WDR7: variants seen among roughly 807,000 people sequenced by gnomAD.
WDR7 encodes WD repeat domain 7.
In WDR7, 46 loss-of-function variants were observed where a neutral mutation model predicts 169.4. That is an observed-to-expected ratio of 0.27 (90% CI 0.21 to 0.35). WDR7 has a LOEUF of 0.35. Among genes scored for constraint, WDR7 ranks in the 10% least tolerant of loss-of-function variants. The pLI is 1.00. For synonymous variants in WDR7, 612 were observed against 666.8 expected, an observed-to-expected ratio of 0.92 and a Z score of 1.27; for missense variants, 1,534 against 1,859.3, an observed-to-expected ratio of 0.83 and a Z score of 3.22.
intron 12 of WDR7, among the ~76,000 whole-genome samples, chr18:56,713,247 G>A (rs2026122117): frequency 6.6e-6 from 1 of 152,096 alleles, no homozygotes; most frequent in Non-Finnish European, 1.5e-5. Context: ...TCATTAATAA[G>A]GAAACCTTCC....
chr18:56,804,973 T>C (rs974693126), intron 19 of WDR7, among the ~76,000 whole-genome samples: 5 of 152,108 alleles, frequency 3.3e-5, no homozygotes, highest in Non-Finnish European at 7.4e-5. Context: ...CAGAGACCAA[T>C]TTCCCTTCTG....
At chr18:56,946,947 A>G (rs573284397) in intron 25 of WDR7, among the ~76,000 whole-genome samples, 2 of 152,352 alleles carry the variant, frequency 1.3e-5, no homozygotes, top group South Asian at 4.1e-4. Flanking sequence ...AGCTGTATTA[A>G]TGTTATAGTC....
chr18:56,710,261 C>A (rs960334597), intron 12 of WDR7, among the ~76,000 whole-genome samples: 1 of 152,000 alleles, frequency 6.6e-6, no homozygotes, highest in Non-Finnish European at 1.5e-5. Flanking sequence ...CCTCAGCCTC[C>A]CAAAGTGCTG....
chr18:56,794,304 A>ATTTCTTTTTTTTTTTTTTTTT (rs2044543681), intron 19 of WDR7, among the ~76,000 whole-genome samples: 1 of 49,466 alleles, frequency 2.0e-5, no homozygotes, highest in African/African-American at 6.6e-5. Context: ...GGTAAAGTCT[A>ATTTCTTTTTTTTTTTTTTTTT]TTTTTTTTTT....
intron 16 of WDR7, among the ~76,000 whole-genome samples, chr18:56,767,297 T>G (rs1422126112): frequency 1.3e-5 from 2 of 152,180 alleles, no homozygotes; most frequent in African/African-American, 2.4e-5. Context: ...TTGAGGGAGA[T>G]CCTCTGAAGA....
At chr18:56,862,858 A>G (rs1010998010) in intron 20 of WDR7, among the ~76,000 whole-genome samples, 13 of 151,990 alleles carry the variant, frequency 8.6e-5, no homozygotes, top group South Asian at 2.1e-4. Flanking sequence ...TTGATTTCCA[A>G]TAAAAACCTA....
chr18:56,839,796 C>T (rs141980400), intron 20 of WDR7, among the ~76,000 whole-genome samples: 5,427 of 152,214 alleles, frequency 0.036, 168 homozygotes, highest in East Asian at 0.11. Flanking sequence ...GGCGTGGTGG[C>T]TCACGCCTGT....
At chr18:56,858,108 T>C (rs954898069) in intron 20 of WDR7, among the ~76,000 whole-genome samples, 7 of 152,162 alleles carry the variant, frequency 4.6e-5, no homozygotes, top group Non-Finnish European at 7.3e-5. Flanking sequence ...TTGCTAGACT[T>C]CTCCATGTGA....
intron 9 of WDR7, among the ~76,000 whole-genome samples, chr18:56,693,116 A>G (rs570440416): frequency 6.6e-6 from 1 of 152,338 alleles, no homozygotes; most frequent in African/African-American, 2.4e-5. Flanking sequence ...TATGCTTAAT[A>G]TGTGTAGTTT....
intron 13 of WDR7, among the ~76,000 whole-genome samples, chr18:56,727,184 C>A (rs1234509896): frequency 6.6e-6 from 1 of 152,088 alleles, no homozygotes; most frequent in Non-Finnish European, 1.5e-5. Flanking sequence ...ATTTTTTTCC[C>A]AATTATTTTA....
At chr18:56,900,111 A>ATAT (rs1555707547) in intron 21 of WDR7, among the ~76,000 whole-genome samples, 1 of 137,756 alleles carries the variant, frequency 7.3e-6, no homozygotes, top group Non-Finnish European at 1.5e-5. Context: ...TATATATATA[A>ATAT]AATTGTTAAT....
chr18:56,662,365 T>C (rs1254950258), intron 1 of WDR7, among the ~76,000 whole-genome samples: 4 of 152,244 alleles, frequency 2.6e-5, no homozygotes, highest in East Asian at 3.8e-4. Context: ...GTTTATAGCT[T>C]TTAGAAATCA....
rs756709513 is a variant in WDR7 at position 56,935,800 on chromosome 18, G to A, written c.3726G>A (p.Gly1242=). 2 of 1,613,906 alleles carry A rather than the reference G, an allele frequency of 1.2e-6. No homozygotes were observed. The highest frequency in any genetic ancestry group is 1.7e-6 in the Non-Finnish European group (2 of 1,179,982). ...AEKQLANITM[G]LPLSPAADSA... ...GATCCCTGTTTAGCATCACAATGGG[G>A]TTGCCTCTGAGCCCAGCAGCTGACT... Residue 1242 remains glycine, a synonymous_variant, in exon 23 of 28, where the codon GGG becomes GGA. Coordinates refer to ENST00000254442, the MANE Select transcript of WDR7 (RefSeq NM_015285.3).
At chr18:56,664,989 T>C (rs2024986281) in intron 1 of WDR7, among the ~76,000 whole-genome samples, 1 of 152,148 alleles carries the variant, frequency 6.6e-6, no homozygotes, top group South Asian at 2.1e-4. Context: ...TATGTACAAC[T>C]TTAAAACAAA....
intron 21 of WDR7, among the ~76,000 whole-genome samples, chr18:56,883,158 C>A (rs1413971413): frequency 6.8e-6 from 1 of 146,242 alleles, no homozygotes; most frequent in Non-Finnish European, 1.5e-5. Flanking sequence ...TGCAGTGAGC[C>A]GAGGTGGCGC....
intron 22 of WDR7, among the ~76,000 whole-genome samples, chr18:56,929,747 CTG>C (rs747955976): frequency 1.3e-5 from 2 of 152,196 alleles, no homozygotes; most frequent in African/African-American, 2.4e-5. Flanking sequence ...TAAGAGAAAA[CTG>C]AGACTGCACT....
intron 20 of WDR7, among the ~76,000 whole-genome samples, chr18:56,867,529 T>A (rs1011618758): frequency 8.5e-5 from 13 of 152,112 alleles, no homozygotes; most frequent in African/African-American, 3.1e-4. Context: ...TTCAAATCAT[T>A]GGGAGGGAGA....
intron 26 of WDR7, among the ~76,000 whole-genome samples, chr18:57,011,704 C>G (rs1025887635): frequency 4.3e-4 from 66 of 152,198 alleles, no homozygotes; most frequent in Middle Eastern, 3.2e-3. Flanking sequence ...TCTCAAATCT[C>G]TGTTCAAAAT....
At chr18:56,996,460 A>G (rs1244297469) in intron 26 of WDR7, among the ~76,000 whole-genome samples, 1 of 152,252 alleles carries the variant, frequency 6.6e-6, no homozygotes, top group Non-Finnish European at 1.5e-5. Context: ...AAACAGTATT[A>G]CGACCAAATT....
Sources: allele counts gnomAD v4.1 joint callset (sites outside exome capture counted in the v4.1 genomes callset), GRCh38; gene constraint gnomAD v4.1.1; transcripts MANE v1.5; gene names NCBI Gene and HGNC (gene_info 2026-07-23, HGNC 2026-07-21).